Variants in MALRD1 observed in about 807,000 individuals in gnomAD.
MALRD1 encodes the protein MAM and LDL-receptor class A domain-containing protein 1.
In MALRD1, 247 loss-of-function variants were observed where a neutral mutation model predicts 242.1. The observed-to-expected ratio is 1.02, with a 90% confidence interval of 0.92 to 1.13. The LOEUF (loss-of-function observed/expected upper bound fraction) is 1.13, where lower values mean the gene tolerates loss of function less well. Among genes scored for constraint, MALRD1 ranks in the 50% most tolerant of loss-of-function variants. The probability of loss-of-function intolerance (pLI) is 0.00; values close to 1 mark genes in which losing one functional copy is unlikely to be tolerated. For synonymous variants in MALRD1, 995 were observed against 866.6 expected, an observed-to-expected ratio of 1.15 and a Z score of -2.60; for missense variants, 2,989 against 2,533.1, an observed-to-expected ratio of 1.18 and a Z score of -3.86.
chr10:19,657,781 A>C (rs1338666647), intron 36 of MALRD1, among the ~76,000 whole-genome samples: 1 of 152,170 alleles, frequency 6.6e-6, no homozygotes, highest in African/African-American at 2.4e-5. Flanking sequence ...TTATTTCAAA[A>C]ATAAAGGAAT....
intron 19 of MALRD1, among the ~76,000 whole-genome samples, chr10:19,261,220 G>A (rs188359722): frequency 1.8e-4 from 28 of 152,298 alleles, no homozygotes; most frequent in Admixed American, 1.4e-3. Context: ...AGGCAGAGAT[G>A]CGAAATGTCA....
rs748953378 is a variant in MALRD1, at chr10:19,088,536, CTTTTTT to C, written c.597+362_597+367del. On this transcript the variant is annotated intron_variant, in intron 4 of 39. Coordinates refer to ENST00000454679, the MANE Select transcript of MALRD1 (RefSeq NM_001142308.3). ...TACTGCTCCAACTTCCTCTTTCTTT[CTTTTTT>C]TTTTTTTTTTATTTTATAAAGTTTT... Among the ~76,000 whole-genome samples the C allele has an allele frequency of 7.7e-4, 85 of 110,028 alleles. 4 individuals carry two copies. In the East Asian group the frequency reaches 0.019, roughly 24 times the overall value. 72.2% of individuals were successfully genotyped at this position (110,028 alleles called of 152,430 possible).
At chr10:19,114,264 C>T (rs533311048) in intron 5 of MALRD1, among the ~76,000 whole-genome samples, 1 of 152,250 alleles carries the variant, frequency 6.6e-6, no homozygotes, top group Admixed American at 6.5e-5. Context: ...AATAGACATA[C>T]AGGTACTTTT....
chr10:19,341,537 C>A (rs1843875649), intron 24 of MALRD1, among the ~76,000 whole-genome samples: 1 of 142,656 alleles, frequency 7.0e-6, no homozygotes, highest in African/African-American at 2.6e-5. Flanking sequence ...TATATATACA[C>A]ACATATATAT....
intron 29 of MALRD1, among the ~76,000 whole-genome samples, chr10:19,473,871 A>T (rs184812044): frequency 2.8e-4 from 42 of 152,178 alleles, no homozygotes; most frequent in African/African-American, 9.9e-4. Flanking sequence ...TGGTAATTCT[A>T]TTTGTAATTT....
intron 36 of MALRD1, among the ~76,000 whole-genome samples, chr10:19,663,656 G>C (rs1014824672): frequency 6.6e-6 from 1 of 152,086 alleles, no homozygotes; most frequent in African/African-American, 2.4e-5. Context: ...TTGCATGATA[G>C]GGGCTGCACT....
At chr10:19,498,927 G>A (rs1837843448) in intron 31 of MALRD1, among the ~76,000 whole-genome samples, 1 of 152,132 alleles carries the variant, frequency 6.6e-6, no homozygotes. Flanking sequence ...CCTAATTGGA[G>A]GAGGGTAGGT....
At chr10:19,095,173 C>G (rs1835979371) in intron 4 of MALRD1, among the ~76,000 whole-genome samples, 1 of 152,056 alleles carries the variant, frequency 6.6e-6, no homozygotes, top group African/African-American at 2.4e-5. Flanking sequence ...ACGTTCGATT[C>G]TTTTGAGTGC....
intron 11 of MALRD1, among the ~76,000 whole-genome samples, chr10:19,150,993 T>A (rs1181818673): frequency 6.6e-6 from 1 of 152,186 alleles, no homozygotes; most frequent in Non-Finnish European, 1.5e-5. Context: ...TGTATTTATA[T>A]TTTCAATAAA....
At chr10:19,389,131 T>C in intron 27 of MALRD1, 2 of 408,888 alleles carry the variant, frequency 4.9e-6, no homozygotes, top group Admixed American at 3.2e-5. Flanking sequence ...AGTCTTTACA[T>C]TATTTTACAA....
At chr10:19,709,454 A>G (rs1834011620) in intron 38 of MALRD1, among the ~76,000 whole-genome samples, 2 of 152,090 alleles carry the variant, frequency 1.3e-5, no homozygotes, top group Admixed American at 1.3e-4. Flanking sequence ...TACCTTTAAT[A>G]TGAAATTTAA....
chr10:19,639,384 A>T (rs1391603310), intron 36 of MALRD1, among the ~76,000 whole-genome samples: 1 of 152,204 alleles, frequency 6.6e-6, no homozygotes, highest in African/African-American at 2.4e-5. Flanking sequence ...TTCGATCGCC[A>T]CAAGAATCCT....
chr10:19,316,722 A>G (rs1000765525), intron 21 of MALRD1, among the ~76,000 whole-genome samples: 6 of 151,916 alleles, frequency 3.9e-5, no homozygotes, highest in Non-Finnish European at 8.8e-5. Flanking sequence ...CTGGACATAA[A>G]ACAGTTGAAC....
intron 21 of MALRD1, among the ~76,000 whole-genome samples, chr10:19,286,769 G>C (rs1588854076): frequency 6.6e-6 from 1 of 151,324 alleles, no homozygotes; most frequent in African/African-American, 2.4e-5. Context: ...CATTCCTTCT[G>C]AAACTATTCC....
At chr10:19,592,764 C>CGT (rs1837879117) in intron 33 of MALRD1, among the ~76,000 whole-genome samples, 4 of 93,532 alleles carry the variant, frequency 4.3e-5, no homozygotes, top group Admixed American at 1.2e-4. Flanking sequence ...CACACACACG[C>CGT]ACGCACACAC....
intron 17 of MALRD1, among the ~76,000 whole-genome samples, chr10:19,206,052 T>C (rs10827055): frequency 0.74 from 109,959 of 149,226 alleles, 40,757 homozygotes; most frequent in South Asian, 0.83. Context: ...TTATAAATTA[T>C]TTATATTTTA....
chr10:19,199,192 A>G (rs1189674504), intron 14 of MALRD1, among the ~76,000 whole-genome samples: 1 of 152,204 alleles, frequency 6.6e-6, no homozygotes, highest in African/African-American at 2.4e-5. Flanking sequence ...CTTTAAAGGA[A>G]CAAGAAGAGT....
chr10:19,691,091 G>T (rs1842798423), intron 36 of MALRD1, among the ~76,000 whole-genome samples: 1 of 152,040 alleles, frequency 6.6e-6, no homozygotes, highest in South Asian at 2.1e-4. Flanking sequence ...AGATTGACAA[G>T]TAGGATTCAC....
chr10:19,424,445 C>A (rs1833829840), intron 28 of MALRD1, among the ~76,000 whole-genome samples: 2 of 152,194 alleles, frequency 1.3e-5, no homozygotes, highest in African/African-American at 4.8e-5. Context: ...CAGGCATGAG[C>A]CACCATGCCC....
Sources: gnomAD v4.1 joint callset for allele counts (sites outside exome capture counted in the v4.1 genomes callset) on GRCh38, gnomAD v4.1.1 for gene constraint, MANE v1.5 for transcripts, NCBI Gene and HGNC (gene_info 2026-07-23, HGNC 2026-07-21) for gene names.